The following CDH11 variants were observed in gnomAD, a reference collection of about 807,000 sequenced individuals.
CDH11 encodes the protein cadherin-11.
A neutral mutation model predicts 67.8 loss-of-function variants in CDH11; 11 were observed. The observed-to-expected ratio is 0.16, with a 90% CI of 0.10 to 0.27. CDH11 has a LOEUF of 0.27. CDH11 is among the 10% of genes least tolerant of loss of function. CDH11 has a pLI of 1.00. For synonymous variants in CDH11, 419 were observed against 400.0 expected (o/e 1.05, Z -0.57); for missense variants, 847 against 1,031.2 (o/e 0.82, Z 2.45).
intron 1 of CDH11, among the ~76,000 whole-genome samples, chr16:65,094,096 C>A (rs913631574): frequency 6.6e-6 from 1 of 152,062 alleles, no homozygotes. Flanking sequence ...AGTCGAATGG[C>A]CTTCATAAAT....
chr16:65,011,179 C>A (rs2073177881), intron 2 of CDH11, among the ~76,000 whole-genome samples: 1 of 150,250 alleles, frequency 6.7e-6, no homozygotes. Context: ...GCTTAGTGTC[C>A]TTATGTAACC....
intron 1 of CDH11, among the ~76,000 whole-genome samples, chr16:65,090,968 T>A (rs888893358): frequency 1.3e-5 from 2 of 152,208 alleles, no homozygotes. Context: ...AATTTAAAAT[T>A]TAAACTTAAA....
At chr16:64,974,057 A>C (rs1427091304) in intron 8 of CDH11, among the ~76,000 whole-genome samples, 1 of 152,238 alleles carries the variant, frequency 6.6e-6, no homozygotes, top group East Asian at 1.9e-4. Context: ...GGATAAAAAA[A>C]CCACATAATA....
At chr16:65,039,511 T>G (rs1396102845) in intron 2 of CDH11, among the ~76,000 whole-genome samples, 1 of 152,212 alleles carries the variant, frequency 6.6e-6, no homozygotes, top group African/African-American at 2.4e-5. Flanking sequence ...TAGCCATATG[T>G]AGAAAGCTGA....
chr16:64,961,630 C>T (rs2071678813), intron 11 of CDH11, among the ~76,000 whole-genome samples: 2 of 152,094 alleles, frequency 1.3e-5, no homozygotes, highest in Middle Eastern at 3.4e-3. Flanking sequence ...AAATTGTTCT[C>T]CCTTTAGAGA....
At chr16:65,021,180 A>G (rs932591551) in intron 2 of CDH11, among the ~76,000 whole-genome samples, 2 of 152,162 alleles carry the variant, frequency 1.3e-5, no homozygotes, top group African/African-American at 4.8e-5. Context: ...TATTCCCTAC[A>G]TAGTTATTAC....
Position 64,944,838 on chromosome 16 carries a change from C to G in CDH11, c.*2765G>C, listed in dbSNP as rs1259794519. 1.8e-5 allele frequency: 4 copies of G among 225,714 alleles called. No individual in the cohort carries two copies. Among genetic ancestry groups the G allele is most frequent in the Non-Finnish European group, 3.5e-5 (4 of 113,396 alleles). 14.0% of individuals were successfully genotyped at this position (225,714 alleles called of 1,614,324 possible). ...TTCCTGTTATATCTTTTATGTTCTT[C>G]CTTCAATTTGGAAGGAGAGAAAATA... On this transcript the variant is annotated 3_prime_UTR_variant, in exon 13 of 13. Coordinates refer to ENST00000268603, the MANE Select transcript of CDH11 (RefSeq NM_001797.4).
intron 11 of CDH11, among the ~76,000 whole-genome samples, chr16:64,957,677 CACAT>C (rs1280427871): frequency 6.6e-6 from 1 of 150,834 alleles, no homozygotes; most frequent in East Asian, 1.9e-4. Context: ...CATAAATAAG[CACAT>C]ACATAAAATT....
chr16:64,982,460 C>A, intron 7 of CDH11, 159 bp from the exon 8 acceptor site: 1 of 624,740 alleles, frequency 1.6e-6, no homozygotes. Context: ...CAGAAAATCA[C>A]ACAAATCAAT....
chr16:65,110,025 C>T lies in CDH11; in HGVS notation c.-298+11855G>A, dbSNP rs574951746. The stretch of plus-strand genomic sequence containing the variant: ...GCTGGGGACTACAGGCACGTGACAC[C>T]GTGCTCAGCTAATTTTTGTATTTTT... On this transcript the variant is annotated intron_variant, in intron 1 of 12. Transcript: ENST00000268603. Among the ~76,000 whole-genome samples, 14 of 152,238 alleles carry T rather than the reference C, an allele frequency of 9.2e-5. No homozygotes were observed. In the East Asian group the frequency reaches 9.7e-4, roughly 11 times the overall value.
Position 64,998,726 on chromosome 16 carries a change from T to A in CDH11, c.359A>T (p.Glu120Val). 2 of 1,614,184 alleles carry A rather than the reference T, an allele frequency of 1.2e-6. No individual in the cohort carries two copies. Among genetic ancestry groups the A allele is most frequent in the Non-Finnish European group, 1.7e-6 (2 of 1,180,050 alleles). Reference protein sequence around the residue: ...IHATKTLDREERAQYTLMAQA... With the variant: ...IHATKTLDREVRAQYTLMAQA... Reference sequence around the variant, plus strand: ...AGCCATCAACGTGTACTGGGCTCTCTCTTCTCGATCCAACGTCTTGGTGGC... The same window carrying A: ...AGCCATCAACGTGTACTGGGCTCTCACTTCTCGATCCAACGTCTTGGTGGC... The change falls in exon 4 of 13, where the codon GAG (glutamate) becomes GTG (valine). Residue 120 changes from glutamate (E) to valine (V), a missense_variant. Transcript: ENST00000268603.
chr16:64,952,478 T>A (rs1334732561), intron 11 of CDH11, among the ~76,000 whole-genome samples: 1 of 152,208 alleles, frequency 6.6e-6, no homozygotes, highest in Non-Finnish European at 1.5e-5. Flanking sequence ...TTCCAGATGT[T>A]GGCTTTTCTG....
At chr16:65,032,569 C>T (rs2073664411) in intron 2 of CDH11, among the ~76,000 whole-genome samples, 1 of 152,018 alleles carries the variant, frequency 6.6e-6, no homozygotes. Context: ...TAAATTTGAC[C>T]CCAGCTATAA....
intron 1 of CDH11, chr16:65,119,067 T>C (rs1166603789): frequency 3.3e-5 from 5 of 152,218 alleles, no homozygotes; most frequent in Non-Finnish European, 7.3e-5. Flanking sequence ...GGGAGCGCAG[T>C]ACTGGCATTG....
chr16:64,973,909 C>T (rs973200), intron 8 of CDH11, among the ~76,000 whole-genome samples: 69,259 of 151,960 alleles, frequency 0.46, 16,734 homozygotes, highest in East Asian at 0.79. Flanking sequence ...TGAGTTCCAG[C>T]GTGTAATGTA....
At chr16:65,114,366 C>T (rs2075207324) in intron 1 of CDH11, among the ~76,000 whole-genome samples, 2 of 152,080 alleles carry the variant, frequency 1.3e-5, no homozygotes, top group Admixed American at 1.3e-4. Context: ...GAGACACGCA[C>T]CAAAAACAGT....
intron 1 of CDH11, among the ~76,000 whole-genome samples, chr16:65,087,643 G>T (rs1447321833): frequency 7.2e-5 from 11 of 152,194 alleles, no homozygotes; most frequent in Non-Finnish European, 1.6e-4. Context: ...TGCTCAGAAT[G>T]ATATTCTCGG....
intron 2 of CDH11, among the ~76,000 whole-genome samples, chr16:65,009,234 A>T (rs1049436574): frequency 1.3e-5 from 2 of 151,694 alleles, no homozygotes; most frequent in Non-Finnish European, 2.9e-5. Context: ...AGACTATAAT[A>T]AAAAAAAATT....
Position 64,947,022 on chromosome 16 carries a change from A to G in CDH11, c.*581T>C. 9.8e-7 allele frequency: 1 copy of G among 1,024,264 alleles called. No individual in the cohort carries two copies. 63.4% of individuals were successfully genotyped at this position (1,024,264 alleles called of 1,614,324 possible). On this transcript the variant is annotated 3_prime_UTR_variant, in exon 13 of 13. Transcript: ENST00000268603. ...AAGACAGTTATATCTGGCACGTATT[A>G]GTTTAAGATGAAAGTAGAAGCAAAA...
Sources: allele counts gnomAD v4.1 joint callset (sites outside exome capture counted in the v4.1 genomes callset), GRCh38; gene constraint gnomAD v4.1.1; transcripts MANE v1.5; gene names NCBI Gene and HGNC (gene_info 2026-07-23, HGNC 2026-07-21).